The following PCSK2 variants were observed in gnomAD, a reference collection of about 807,000 sequenced individuals.
PCSK2 encodes the protein proprotein convertase subtilisin/kexin type 2, also known as neuroendocrine convertase 2.
A neutral mutation model predicts 69.7 loss-of-function variants in PCSK2; 14 were observed. That is an observed-to-expected ratio of 0.20 (90% confidence interval 0.13 to 0.31). The LOEUF (loss-of-function observed/expected upper bound fraction) is 0.31, where lower values mean the gene tolerates loss of function less well. PCSK2 is among the 10% of genes least tolerant of loss of function. PCSK2 has a pLI of 1.00. For synonymous variants in PCSK2, 307 were observed against 320.7 expected (o/e 0.96, Z 0.46); for missense variants, 544 against 842.5 (o/e 0.65, Z 4.39).
intron 2 of PCSK2, among the ~76,000 whole-genome samples, chr20:17,302,881 C>G (rs2123092214): frequency 6.6e-6 from 1 of 152,266 alleles, no homozygotes. Context: ...TGAAGAAGAG[C>G]TCCCTTCCTT....
At chr20:17,346,616 A>C (rs1361691847) in intron 2 of PCSK2, among the ~76,000 whole-genome samples, 2 of 152,104 alleles carry the variant, frequency 1.3e-5, no homozygotes, top group African/African-American at 2.4e-5. Context: ...CTCAGGAGAC[A>C]CTCATTGAGA....
chr20:17,264,339 T>A (rs1987509364), intron 2 of PCSK2, among the ~76,000 whole-genome samples: 1 of 152,204 alleles, frequency 6.6e-6, no homozygotes, highest in Non-Finnish European at 1.5e-5. Context: ...ATACAATTAT[T>A]CCTCATTTTT....
At chr20:17,297,596 GC>G (rs1988937441) in intron 2 of PCSK2, among the ~76,000 whole-genome samples, 1 of 152,236 alleles carries the variant, frequency 6.6e-6, no homozygotes, top group Non-Finnish European at 1.5e-5. Flanking sequence ...CCTCCCTGGA[GC>G]TTGCTCATTA....
At chr20:17,392,290 A>G (rs2031402848) in intron 5 of PCSK2, among the ~76,000 whole-genome samples, 1 of 152,328 alleles carries the variant, frequency 6.6e-6, no homozygotes, top group East Asian at 1.9e-4. Flanking sequence ...TGGTCATTTT[A>G]GTCAATTTTG....
intron 1 of PCSK2, among the ~76,000 whole-genome samples, chr20:17,248,789 C>A (rs746055401): frequency 1.3e-4 from 20 of 152,314 alleles, no homozygotes; most frequent in South Asian, 2.1e-4. Flanking sequence ...ACCTGGCTGT[C>A]CTTGAGTCCC....
At chr20:17,403,308 C>T (rs1600551814) in intron 5 of PCSK2, among the ~76,000 whole-genome samples, 1 of 152,200 alleles carries the variant, frequency 6.6e-6, no homozygotes, top group Non-Finnish European at 1.5e-5. Context: ...TTAATATAGA[C>T]ATAAATCCCT....
chr20:17,328,675 G>A (rs1990131666), intron 2 of PCSK2, among the ~76,000 whole-genome samples: 2 of 152,114 alleles, frequency 1.3e-5, no homozygotes. Flanking sequence ...AAAAGGTTTT[G>A]GAGATTATCT....
intron 11 of PCSK2, among the ~76,000 whole-genome samples, chr20:17,474,434 A>G (rs1313579285): frequency 1.3e-5 from 2 of 152,112 alleles, no homozygotes; most frequent in Non-Finnish European, 2.9e-5. Context: ...TCGGCTTTCC[A>G]AGGTGCATGG....
chr20:17,259,125 C>T (rs1211256052), intron 1 of PCSK2, among the ~76,000 whole-genome samples: 4 of 152,088 alleles, frequency 2.6e-5, no homozygotes, highest in African/African-American at 7.2e-5. Context: ...AAATCAACCA[C>T]ATCTGCTTCC....
At chr20:17,389,238 A>G (rs1489789951) in intron 5 of PCSK2, among the ~76,000 whole-genome samples, 1 of 152,168 alleles carries the variant, frequency 6.6e-6, no homozygotes, top group Non-Finnish European at 1.5e-5. Flanking sequence ...AAAATCTGCC[A>G]TGTACAGCTC....
intron 11 of PCSK2, 126 bp downstream of exon 11, chr20:17,465,679 G>GT: frequency 1.5e-6 from 1 of 677,042 alleles, no homozygotes. Context: ...TTGTTTGTTT[G>GT]TTTTTTTGAG....
At chr20:17,244,628 C>T (rs546306619) in intron 1 of PCSK2, among the ~76,000 whole-genome samples, 1 of 152,256 alleles carries the variant, frequency 6.6e-6, no homozygotes, top group Non-Finnish European at 1.5e-5. Context: ...TTTTCTACTT[C>T]TACCAAAACT....
intron 5 of PCSK2, among the ~76,000 whole-genome samples, chr20:17,401,924 G>A (rs990294045): frequency 1.3e-5 from 2 of 152,182 alleles, no homozygotes; most frequent in African/African-American, 2.4e-5. Context: ...ATGAATGGCA[G>A]CTTATTTTTA....
intron 11 of PCSK2, among the ~76,000 whole-genome samples, chr20:17,470,286 C>T (rs2033177909): frequency 6.6e-6 from 1 of 152,146 alleles, no homozygotes; most frequent in South Asian, 2.1e-4. Flanking sequence ...GATTAAGAAA[C>T]AAGAGTTTTC....
At chr20:17,380,276 T>G (rs1270762420) in intron 5 of PCSK2, among the ~76,000 whole-genome samples, 1 of 152,262 alleles carries the variant, frequency 6.6e-6, no homozygotes, top group Non-Finnish European at 1.5e-5. Context: ...TCTCTCTGAA[T>G]TAATAAAAAT....
chr20:17,398,927 C>G (rs886326137), intron 5 of PCSK2, among the ~76,000 whole-genome samples: 1 of 152,052 alleles, frequency 6.6e-6, no homozygotes, highest in African/African-American at 2.4e-5. Context: ...TTAAAAATTC[C>G]ATAATATATG....
At chr20:17,345,868 G>A (rs552664199) in intron 2 of PCSK2, among the ~76,000 whole-genome samples, 1 of 152,302 alleles carries the variant, frequency 6.6e-6, no homozygotes, top group Admixed American at 6.5e-5. Flanking sequence ...AGGAGCAGCT[G>A]GGGCTGGGGT....
At chr20:17,240,711 C>G (rs929686958) in intron 1 of PCSK2, among the ~76,000 whole-genome samples, 3 of 152,204 alleles carry the variant, frequency 2.0e-5, no homozygotes, top group Non-Finnish European at 2.9e-5. Context: ...ACCTAGGTGT[C>G]ACTCTAGACT....
intron 11 of PCSK2, among the ~76,000 whole-genome samples, chr20:17,470,047 C>T (rs189521937): frequency 4.6e-5 from 7 of 152,224 alleles, no homozygotes; most frequent in African/African-American, 1.7e-4. Flanking sequence ...AGAGACAAGA[C>T]TGGGAACCAC....
Sources: gnomAD v4.1 joint callset for allele counts (sites outside exome capture counted in the v4.1 genomes callset) on GRCh38, gnomAD v4.1.1 for gene constraint, MANE v1.5 for transcripts, NCBI Gene and HGNC (gene_info 2026-07-23, HGNC 2026-07-21) for gene names.